Variants in GRM7 observed in about 807,000 individuals in gnomAD.
The protein encoded by GRM7 is metabotropic glutamate receptor 7.
GRM7 carries 35 observed loss-of-function variants against 84.5 expected under a neutral mutation model. The ratio of observed to expected loss-of-function variants is 0.41; its 90% confidence interval spans 0.32 to 0.55. The LOEUF (loss-of-function observed/expected upper bound fraction) is 0.55. GRM7 is among the 20% of genes least tolerant of loss of function. The pLI, the probability that GRM7 is intolerant of heterozygous loss-of-function variation, is 0.19. For synonymous variants in GRM7, 487 were observed against 455.1 expected, an observed-to-expected ratio of 1.07 and a Z score of -0.89; for missense variants, 1,003 against 1,194.6, an observed-to-expected ratio of 0.84 and a Z score of 2.36.
At position 7,508,527 on chromosome 3, in the gene GRM7, C is replaced by A. The variant is rs189123548; in HGVS notation, c.1515+46805C>A. Among the ~76,000 whole-genome samples, 162 of 152,088 alleles carry A rather than the reference C, an allele frequency of 1.1e-3. 1 individual carries two copies. Among genetic ancestry groups the A allele is most frequent in the African/African-American group, 3.6e-3 (149 of 41,486 alleles). On this transcript the variant is annotated intron_variant, in intron 7 of 9. Coordinates refer to ENST00000357716, the MANE Select transcript of GRM7 (RefSeq NM_000844.4). The stretch of plus-strand genomic sequence containing the variant: ...AAAAAGAGGTTAATTGGTTATATGA[C>A]CTGCTAAATACTCATGAATGATTTT...
chr3:7,365,923 C>G (rs565384184), intron 4 of GRM7, among the ~76,000 whole-genome samples: 1 of 151,306 alleles, frequency 6.6e-6, no homozygotes, highest in South Asian at 2.1e-4. Flanking sequence ...TTCCAAGAGA[C>G]TGGAAGTTTC....
intron 2 of GRM7, among the ~76,000 whole-genome samples, chr3:7,157,903 G>C (rs891591974): frequency 3.7e-4 from 57 of 152,152 alleles, no homozygotes; most frequent in African/African-American, 1.2e-3. Context: ...AGGAGAGCCA[G>C]GACTCCTTAA....
intron 7 of GRM7, among the ~76,000 whole-genome samples, chr3:7,489,333 C>T (rs891811675): frequency 2.6e-5 from 4 of 152,100 alleles, no homozygotes; most frequent in Non-Finnish European, 5.9e-5. Context: ...TATGTTGAAA[C>T]CAGTTTACAT....
chr3:6,951,727 G>T (rs910795164), intron 1 of GRM7, among the ~76,000 whole-genome samples: 2 of 152,112 alleles, frequency 1.3e-5, no homozygotes, highest in Non-Finnish European at 2.9e-5. Context: ...AAAAATATAT[G>T]TGTGTTCCAT....
intron 3 of GRM7, among the ~76,000 whole-genome samples, chr3:7,302,363 A>G (rs1700031612): frequency 1.3e-5 from 2 of 152,172 alleles, no homozygotes; most frequent in African/African-American, 4.8e-5. Context: ...TAATCATTTC[A>G]TATCACAAGT....
intron 1 of GRM7, among the ~76,000 whole-genome samples, chr3:7,104,811 G>A (rs888286743): frequency 3.3e-5 from 5 of 151,678 alleles, no homozygotes; most frequent in African/African-American, 1.2e-4. Flanking sequence ...ACAAAATGAA[G>A]CAACTTTTAC....
At chr3:7,561,052 C>A (rs904326770) in intron 7 of GRM7, among the ~76,000 whole-genome samples, 1 of 152,102 alleles carries the variant, frequency 6.6e-6, no homozygotes, top group South Asian at 2.1e-4. Flanking sequence ...TAGTCTCCAA[C>A]ATTTTTTCTT....
At chr3:7,148,133 T>G (rs954216748) in intron 2 of GRM7, among the ~76,000 whole-genome samples, 1 of 152,156 alleles carries the variant, frequency 6.6e-6, no homozygotes, top group African/African-American at 2.4e-5. Flanking sequence ...CAGGCTGTGA[T>G]TTATAGGACT....
At chr3:7,504,227 G>C (rs769832098) in intron 7 of GRM7, among the ~76,000 whole-genome samples, 4 of 152,158 alleles carry the variant, frequency 2.6e-5, no homozygotes, top group African/African-American at 7.2e-5. Context: ...AATAAGGAGA[G>C]ACCAGGGCAC....
chr3:7,286,501 G>A (rs985435098), intron 2 of GRM7, among the ~76,000 whole-genome samples: 2 of 152,104 alleles, frequency 1.3e-5, no homozygotes, highest in Non-Finnish European at 2.9e-5. Context: ...TTATTTTTAT[G>A]CATAGAACAT....
chr3:7,425,408 T>A (rs1194371771), intron 5 of GRM7, among the ~76,000 whole-genome samples: 2 of 152,226 alleles, frequency 1.3e-5, no homozygotes, highest in African/African-American at 4.8e-5. Flanking sequence ...GAGGGAATTG[T>A]AGCCCTGACT....
chr3:7,512,477 G>A (rs1042157011), intron 7 of GRM7, among the ~76,000 whole-genome samples: 1 of 151,930 alleles, frequency 6.6e-6, no homozygotes, highest in African/African-American at 2.4e-5. Flanking sequence ...TGTGTGCAAT[G>A]GTAAAATATT....
intron 2 of GRM7, among the ~76,000 whole-genome samples, chr3:7,175,419 T>C (rs1486069598): frequency 6.6e-6 from 1 of 152,250 alleles, no homozygotes; most frequent in Non-Finnish European, 1.5e-5. Context: ...AAGACTTTGT[T>C]TAGAATGTGG....
intron 1 of GRM7, among the ~76,000 whole-genome samples, chr3:6,888,055 C>T (rs1332358569): frequency 2.0e-5 from 3 of 152,176 alleles, no homozygotes; most frequent in East Asian, 1.9e-4. Context: ...GTTCATGTCC[C>T]TTGCCCACTT....
intron 2 of GRM7, among the ~76,000 whole-genome samples, chr3:7,215,700 T>TAAA (rs1322188206): frequency 6.6e-6 from 1 of 152,054 alleles, no homozygotes. Context: ...AATAAATTTC[T>TAAA]TTTCTACTCT....
At chr3:7,655,538 T>C (rs73023703) in intron 8 of GRM7, among the ~76,000 whole-genome samples, 1 of 152,346 alleles carries the variant, frequency 6.6e-6, no homozygotes, top group Non-Finnish European at 1.5e-5. Flanking sequence ...CACTATTTAA[T>C]CCACTATACT....
At chr3:7,684,922 T>G (rs1233655425) in intron 9 of GRM7, among the ~76,000 whole-genome samples, 1 of 151,964 alleles carries the variant, frequency 6.6e-6, no homozygotes, top group African/African-American at 2.4e-5. Context: ...CTGGCCTCGT[T>G]TGAATAGCTT....
At chr3:7,403,168 G>T (rs1695523975) in intron 4 of GRM7, 1 of 446,314 alleles carries the variant, frequency 2.2e-6, no homozygotes, top group African/African-American at 2.0e-5. Flanking sequence ...TTCTGTCATT[G>T]CCTGGAGAAA....
At chr3:7,353,566 T>C (rs1693254516) in intron 4 of GRM7, among the ~76,000 whole-genome samples, 1 of 152,038 alleles carries the variant, frequency 6.6e-6, no homozygotes, top group Non-Finnish European at 1.5e-5. Context: ...CTTAAGAAGA[T>C]TGGAATTACA....
Sources: gnomAD v4.1 joint callset for allele counts (sites outside exome capture counted in the v4.1 genomes callset) on GRCh38, gnomAD v4.1.1 for gene constraint, MANE v1.5 for transcripts, NCBI Gene and HGNC (gene_info 2026-07-23, HGNC 2026-07-21) for gene names.